Variants in PKD1L3 observed in about 807,000 individuals in gnomAD.
PKD1L3 encodes polycystin-1-like protein 3.
Under a neutral mutation model 184.1 loss-of-function variants are expected in PKD1L3, and 239 were observed. The observed-to-expected ratio is 1.30, with a 90% CI of 1.17 to 1.45. The LOEUF is 1.45. PKD1L3 is among the 40% of genes most tolerant of loss of function. PKD1L3 has a pLI of 0.00. For synonymous variants in PKD1L3, 996 were observed against 778.8 expected, an observed-to-expected ratio of 1.28 and a Z score of -4.64; for missense variants, 2,660 against 2,067.2, an observed-to-expected ratio of 1.29 and a Z score of -5.56.
chr16:71,976,855 G>T (rs1382555367), intron 11 of PKD1L3, among the ~76,000 whole-genome samples: 1 of 152,154 alleles, frequency 6.6e-6, no homozygotes, highest in Admixed American at 6.5e-5. Context: ...ACATTTTCCT[G>T]CCTCAGCCTC....
chr16:71,969,478 T>C (rs2039628879), intron 13 of PKD1L3, among the ~76,000 whole-genome samples: 1 of 149,084 alleles, frequency 6.7e-6, no homozygotes, highest in South Asian at 2.1e-4. Context: ...GCTCTTTTTT[T>C]TTTTTTTTTT....
chr16:71,973,547 T>C (rs2039803217), intron 11 of PKD1L3, 30 bp from the exon 12 acceptor site: 1 of 1,523,454 alleles, frequency 6.6e-7, no homozygotes, highest in Admixed American at 2.0e-5. Context: ...CTTACTTGTA[T>C]ATCAAATGGA....
At chr16:71,967,361 A>C (rs1241168896) in intron 14 of PKD1L3, 46 bp from the exon 15 acceptor site, 2 of 1,504,702 alleles carry the variant, frequency 1.3e-6, no homozygotes, top group African/African-American at 2.8e-5. Flanking sequence ...TTTTAACACA[A>C]TTCTTTGGGT....
chr16:71,999,989 T>G lies in PKD1L3; in HGVS notation c.-11A>C, dbSNP rs1453410266. 6.7e-7 allele frequency: 1 copy of G among 1,499,830 alleles called. No individual in the cohort carries two copies. Among genetic ancestry groups the G allele is most frequent in the Non-Finnish European group, 8.9e-7 (1 of 1,117,444 alleles). 92.9% of individuals were successfully genotyped at this position (1,499,830 alleles called of 1,614,324 possible). A position where few individuals can be genotyped will look rare whatever the true frequency, so the allele number is the denominator to read the frequency against. ...TCCTTTGAAGAACATTTTCTCTGAA[T>G]TGTAGCAAGAAAAAGTGTGGGGGTT... On this transcript the variant is annotated 5_prime_UTR_variant, in exon 1 of 30. Transcript: ENST00000620267.
chr16:71,987,334 C>A (rs2040412250), intron 4 of PKD1L3, among the ~76,000 whole-genome samples: 1 of 151,972 alleles, frequency 6.6e-6, no homozygotes, highest in Non-Finnish European at 1.5e-5. Context: ...AATCCTCCTG[C>A]CTCAGCCTCC....
Position 71,996,556 on chromosome 16 carries a change from G to A in PKD1L3, c.418+1716C>T, listed in dbSNP as rs141154498. The stretch of plus-strand genomic sequence containing the variant: ...ATTACAGGCATGAGCCACTGTGCCT[G>A]GCCCACATTGTCCTTTTATAGCGAC... On this transcript the variant is annotated intron_variant, in intron 2 of 29. Transcript: ENST00000620267. Among the ~76,000 whole-genome samples the A allele has an allele frequency of 3.1e-3, 469 of 152,202 alleles. 1 individual carries two copies. Among genetic ancestry groups the A allele is most frequent in the Non-Finnish European group, 5.5e-3 (375 of 68,004 alleles).
At chr16:71,986,165 C>G (rs2040353510) in intron 5 of PKD1L3, 56 bp downstream of exon 5, 1 of 1,535,822 alleles carries the variant, frequency 6.5e-7, no homozygotes, top group Admixed American at 2.0e-5. Context: ...AATGGGTGAA[C>G]CAAGTACTTT....
chr16:71,970,711 G>T (rs1173612951), intron 12 of PKD1L3, among the ~76,000 whole-genome samples: 2 of 152,178 alleles, frequency 1.3e-5, no homozygotes, highest in African/African-American at 4.8e-5. Flanking sequence ...GGGAGGCTGA[G>T]GCAGGAGAAT....
rs1217202714 is a variant in PKD1L3, at chr16:71,998,376, C to T, written c.314G>A (p.Gly105Glu). Reference protein sequence around the residue: ...NKYPADVAANGPPKPLSCTYL... With the variant: ...NKYPADVAANEPPKPLSCTYL... ...GGTGCAGCTGAGGGGCTTTGGGGGC[C>T]CGTTGGCTGCAACGTCTGCTGAGGG... The change falls in exon 2 of 30, where the codon GGG becomes GAG. Residue 105 changes from glycine to glutamate, a missense_variant. Physicochemically the swap from Gly to Glu is moderately conservative, Grantham distance 98. Transcript: ENST00000620267. 12 of 1,551,584 alleles carry T rather than the reference C, an allele frequency of 7.7e-6. No homozygotes were observed. The highest frequency in any genetic ancestry group is 3.9e-5 in the Admixed American group (2 of 50,902).
intron 4 of PKD1L3, among the ~76,000 whole-genome samples, chr16:71,989,428 C>T (rs757357665): frequency 2.0e-4 from 31 of 152,228 alleles, no homozygotes; most frequent in Non-Finnish European, 3.5e-4. Context: ...GCTGGGATTA[C>T]GGGCGTGAGC....
Position 71,973,356 on chromosome 16 carries a change from G to C in PKD1L3, c.1921C>G (p.His641Asp). 2 of 1,551,624 alleles carry C rather than the reference G, an allele frequency of 1.3e-6. No homozygotes were observed. Among genetic ancestry groups the C allele is most frequent in the Non-Finnish European group, 1.7e-6 (2 of 1,147,004 alleles). The change falls in exon 12 of 30, where the codon CAC becomes GAC. Residue 641 changes from histidine to aspartate, a missense_variant. Coordinates refer to ENST00000620267, the MANE Select transcript of PKD1L3 (RefSeq NM_181536.2). ...AVTQCYYWEI[H>D]NQTWSSAGCQ... Reference sequence around the variant, plus strand: ...CCGGCGCTGCTCCATGTCTGGTTGTGGATCTCCCAGTAGTAACACTGAGTG... The same window carrying C: ...CCGGCGCTGCTCCATGTCTGGTTGTCGATCTCCCAGTAGTAACACTGAGTG...
At position 71,969,916 on chromosome 16, in the gene PKD1L3, C is replaced by G. The variant is rs1162947989; in HGVS notation, c.2143G>C (p.Val715Leu). The change falls in exon 13 of 30, where the codon GTT (valine) becomes CTT (leucine). Residue 715 changes from valine to leucine, a missense_variant. By Grantham distance (32) the Val-to-Leu change is conservative. Coordinates refer to ENST00000620267, the MANE Select transcript of PKD1L3 (RefSeq NM_181536.2). ...TGATCCTTTTTCCGAGCCCACACAA[C>G]TGTGATCACATAAAATCCTAAAAGG... is the stretch of plus-strand genomic sequence containing the variant. Reference protein sequence around the residue: ...ASLLGFYVITVVWARKKDQAD... With the variant: ...ASLLGFYVITLVWARKKDQAD... 6.4e-7 allele frequency: 1 copy of G among 1,552,068 alleles called. No individual in the cohort carries two copies. Among genetic ancestry groups the G allele is most frequent in the Non-Finnish European group, 8.7e-7 (1 of 1,147,066 alleles).
At chr16:71,987,376 A>C (rs2040413817) in intron 4 of PKD1L3, among the ~76,000 whole-genome samples, 1 of 151,216 alleles carries the variant, frequency 6.6e-6, no homozygotes, top group Admixed American at 6.6e-5. Context: ...ACACACCACC[A>C]TGCCTGGCTA....
chr16:71,977,540 G>C (rs77282701), intron 10 of PKD1L3, 73 bp from the exon 11 acceptor site: 56,966 of 1,021,150 alleles, frequency 0.056, 2,321 homozygotes, highest in Non-Finnish European at 0.066. Context: ...ATATTGATAA[G>C]GTAAGGAAAC....
intron 13 of PKD1L3, 64 bp downstream of exon 13, chr16:71,969,811 T>C (rs1256507567): frequency 2.1e-6 from 3 of 1,406,278 alleles, no homozygotes; most frequent in Non-Finnish European, 2.9e-6. Flanking sequence ...AGGTGTTTTT[T>C]CCTTCATCTT....
chr16:71,940,950 C>T (rs1396262061), intron 24 of PKD1L3, among the ~76,000 whole-genome samples: 1 of 152,028 alleles, frequency 6.6e-6, no homozygotes, highest in Non-Finnish European at 1.5e-5. Flanking sequence ...ATTCTGCCAC[C>T]TCAGCCTCCC....
chr16:71,949,695 A>G, intron 21 of PKD1L3, 88 bp downstream of exon 21: 1 of 1,234,152 alleles, frequency 8.1e-7, no homozygotes, highest in Non-Finnish European at 1.1e-6. Flanking sequence ...TACATTGTCA[A>G]AACCACTAGG....
intron 9 of PKD1L3, 62 bp from the exon 10 acceptor site, chr16:71,978,445 G>A: frequency 7.3e-7 from 1 of 1,377,868 alleles, no homozygotes; most frequent in African/African-American, 1.5e-5. Flanking sequence ...GACCCCACTA[G>A]AAAGATATAT....
At position 71,954,214 on chromosome 16, in the gene PKD1L3, A is replaced by G. The variant is rs1028006985; in HGVS notation, c.2700T>C (p.Phe900=). ...AGCAAGACAGCCGTTGGACCCTTGT[A>G]AACTGGTTCCAGGGATGCCGAGTTG... ...SIATRHPWNQ[F]TRVQRLSCCM... The change falls in exon 17 of 30, where the codon TTT becomes TTC. Residue 900 remains phenylalanine (F), a synonymous_variant. Coordinates refer to ENST00000620267, the MANE Select transcript of PKD1L3 (RefSeq NM_181536.2). The G allele has an allele frequency of 3.2e-6, 5 of 1,551,534 alleles. No homozygotes were observed. Among genetic ancestry groups the G allele is most frequent in the South Asian group, 1.2e-5 (1 of 83,980 alleles).
Sources: allele counts gnomAD v4.1 joint callset (sites outside exome capture counted in the v4.1 genomes callset), GRCh38; gene constraint gnomAD v4.1.1; transcripts MANE v1.5; gene names NCBI Gene and HGNC (gene_info 2026-07-23, HGNC 2026-07-21).